CACNA1I: variants seen among roughly 807,000 people sequenced by gnomAD.
CACNA1I encodes the protein voltage-dependent T-type calcium channel subunit alpha-1I.
A neutral mutation model predicts 201.6 loss-of-function variants in CACNA1I; 74 were observed. The observed-to-expected ratio is 0.37, with a 90% CI of 0.30 to 0.45. CACNA1I has a LOEUF of 0.45. Ranked by LOEUF, CACNA1I falls within the 20% of genes least tolerant of loss-of-function variation. The probability of loss-of-function intolerance (pLI) is 1.00; values close to 1 mark genes in which losing one functional copy is unlikely to be tolerated. For missense variants in CACNA1I, 2,346 were observed against 3,138.1 expected, an observed-to-expected ratio of 0.75 and a Z score of 6.03; for synonymous variants, 1,431 against 1,345.2, an observed-to-expected ratio of 1.06 and a Z score of -1.40.
At chr22:39,573,978 C>T (rs553996607) in intron 1 of CACNA1I, among the ~76,000 whole-genome samples, 22 of 152,286 alleles carry the variant, frequency 1.4e-4, no homozygotes, top group Non-Finnish European at 3.1e-4. Flanking sequence ...CCCCGGCATC[C>T]CCATGGCCAG....
At chr22:39,626,427 C>A (rs1387452668) in intron 4 of CACNA1I, among the ~76,000 whole-genome samples, 1 of 152,088 alleles carries the variant, frequency 6.6e-6, no homozygotes. Flanking sequence ...AGACACTCAT[C>A]AGCTGAGGGT....
chr22:39,645,207 G>C (rs542621839), intron 7 of CACNA1I, among the ~76,000 whole-genome samples: 1 of 151,758 alleles, frequency 6.6e-6, no homozygotes, highest in African/African-American at 2.4e-5. Flanking sequence ...GGCTGGTCTC[G>C]AACTCCTGAC....
chr22:39,664,891 C>T lies in CACNA1I; in HGVS notation c.3819C>T (p.Val1273=). Residue 1273 remains valine, a synonymous_variant, in exon 21 of 37, where the codon GTC becomes GTT. Coordinates refer to ENST00000402142, the MANE Select transcript of CACNA1I (RefSeq NM_021096.4). ...CCAAGATCTTGGGGGTCCTCCGAGT[C>T]TTGCGGCTCCTGCGCACCCTACGCC... is the stretch of plus-strand genomic sequence containing the variant. ...GGAKILGVLR[V]LRLLRTLRPL... is the part of the protein sequence containing the mutation. 6.2e-7 allele frequency: 1 copy of T among 1,612,804 alleles called. No homozygotes were observed. Among genetic ancestry groups the T allele is most frequent in the Non-Finnish European group, 8.5e-7 (1 of 1,179,852 alleles).
chr22:39,613,918 A>G (rs1341953396), intron 3 of CACNA1I, among the ~76,000 whole-genome samples: 2 of 151,562 alleles, frequency 1.3e-5, no homozygotes, highest in Non-Finnish European at 2.9e-5. Context: ...GCTCACTGCA[A>G]CCTCCGCCTC....
Position 39,662,005 on chromosome 22 carries a change from G to A in CACNA1I, c.2942G>A (p.Ser981Asn). 1 of 1,563,294 alleles carries A rather than the reference G, an allele frequency of 6.4e-7. No individual in the cohort carries two copies. The highest frequency in any genetic ancestry group is 1.9e-5 in the Admixed American group (1 of 53,042). ...RSSYYGPWGRSAAWASRRSSW... is the reference protein window; with the variant it reads ...RSSYYGPWGRNAAWASRRSSW... ...TCCTACTACGGGCCATGGGGCCGCA[G>A]CGCGGCCTGGGCCAGCCGTCGCTCC... Residue 981 changes from serine to asparagine, a missense_variant, in exon 17 of 37, where the codon AGC becomes AAC. Physicochemically the swap from Ser to Asn is conservative, Grantham distance 46 (BLOSUM62 1). Around this residue, in one of 13 missense-constraint regions of CACNA1I, gnomAD observed 288 missense variants for 255.2 expected, o/e 1.13. Coordinates refer to ENST00000402142, the MANE Select transcript of CACNA1I (RefSeq NM_021096.4).
At position 39,661,756 on chromosome 22, in the gene CACNA1I, C is replaced by T. The variant is rs911012827; in HGVS notation, c.2902-209C>T. Among the ~76,000 whole-genome samples, 7 of 152,360 alleles carry T rather than the reference C, an allele frequency of 4.6e-5. No homozygotes were observed. In the East Asian group the frequency reaches 1.2e-3, roughly 25 times the overall value. On this transcript the variant is annotated intron_variant, in intron 16 of 36. Coordinates refer to ENST00000402142, the MANE Select transcript of CACNA1I (RefSeq NM_021096.4). ...GAGGTGGCAGGAGGGGATGTAACCT[C>T]CGGGTGGATGTGCCCCCATGTCCCT...
intron 4 of CACNA1I, 55 bp from the exon 5 acceptor site, chr22:39,634,510 G>C: frequency 1.3e-6 from 2 of 1,578,918 alleles, no homozygotes; most frequent in Non-Finnish European, 1.7e-6. Flanking sequence ...TCACTCTTTC[G>C]TCTCTGGGAC....
At position 39,662,293 on chromosome 22, in the gene CACNA1I, A is replaced by T. The variant is rs1195981245; in HGVS notation, c.3230A>T (p.His1077Leu). Reference sequence around the variant, plus strand: ...GAGCTGGTGCCCGCGGTGGGCGCCCACCCCCGGGCCGCCTGGAGGGCGGCA... The same window carrying T: ...GAGCTGGTGCCCGCGGTGGGCGCCCTCCCCCGGGCCGCCTGGAGGGCGGCA... The part of the protein sequence containing the change: ...LAELVPAVGA[H>L]PRAAWRAAGP... The change falls in exon 17 of 37, where the codon CAC (histidine) becomes CTC (leucine). Residue 1077 changes from histidine (H) to leucine (L), a missense_variant. His to Leu is a moderately conservative substitution (Grantham distance 99). This residue lies in a region of CACNA1I where 288 missense variants were observed against 255.2 expected (regional missense o/e 1.13). Transcript: ENST00000402142. 3.3e-6 allele frequency: 5 copies of T among 1,502,104 alleles called. No individual in the cohort carries two copies. Among genetic ancestry groups the T allele is most frequent in the Non-Finnish European group, 4.4e-6 (5 of 1,132,512 alleles). 93.0% of individuals were successfully genotyped at this position (1,502,104 alleles called of 1,614,324 possible).
rs762374499 is a variant in CACNA1I at position 39,664,900 on chromosome 22, C to T, written c.3828C>T (p.Leu1276=). 7 of 1,612,538 alleles carry T rather than the reference C, an allele frequency of 4.3e-6. No individual in the cohort carries two copies. Among genetic ancestry groups the T allele is most frequent in the Non-Finnish European group, 5.9e-6 (7 of 1,179,834 alleles). Residue 1276 remains leucine, a synonymous_variant, in exon 21 of 37, where the codon CTC becomes CTT. Transcript: ENST00000402142. Reference sequence around the variant, plus strand: ...TGGGGGTCCTCCGAGTCTTGCGGCTCCTGCGCACCCTACGCCCCCTGCGGT... The same window carrying T: ...TGGGGGTCCTCCGAGTCTTGCGGCTTCTGCGCACCCTACGCCCCCTGCGGT... ...KILGVLRVLR[L]LRTLRPLRVI... is the part of the protein sequence containing the mutation.
rs1237839283 is a variant in CACNA1I, at chr22:39,662,074, A to G, written c.3011A>G (p.Glu1004Gly). 2 of 1,548,618 alleles carry G rather than the reference A, an allele frequency of 1.3e-6. No individual in the cohort carries two copies. Among genetic ancestry groups the G allele is most frequent in the Non-Finnish European group, 1.7e-6 (2 of 1,151,208 alleles). ...LKHKPPSAEHESLLSAERGGG... is the reference protein window; with the variant it reads ...LKHKPPSAEHGSLLSAERGGG... ...CACAAGCCGCCGTCGGCGGAGCATG[A>G]GTCCCTGCTCTCTGCGGAGCGCGGC... Residue 1004 changes from glutamate to glycine, a missense_variant, in exon 17 of 37, where the codon GAG (glutamate) becomes GGG (glycine). By Grantham distance (98) the Glu-to-Gly change is moderately conservative (BLOSUM62 -2). This residue lies in a region of CACNA1I where 288 missense variants were observed against 255.2 expected (regional missense o/e 1.13). Transcript: ENST00000402142.
At chr22:39,651,674 G>A (rs1032387083) in intron 10 of CACNA1I, among the ~76,000 whole-genome samples, 7 of 152,214 alleles carry the variant, frequency 4.6e-5, no homozygotes, top group Non-Finnish European at 1.0e-4. Context: ...TGCTACCCTC[G>A]AGCCCCGGCA....
chr22:39,589,984 C>G (rs564807363), intron 1 of CACNA1I, among the ~76,000 whole-genome samples: 1 of 152,310 alleles, frequency 6.6e-6, no homozygotes, highest in Non-Finnish European at 1.5e-5. Context: ...ACCAGCCTCC[C>G]AGAGCCCCCC....
intron 4 of CACNA1I, among the ~76,000 whole-genome samples, chr22:39,624,397 AGAGGAGCTCC>A (rs962729024): frequency 6.6e-5 from 10 of 152,166 alleles, no homozygotes; most frequent in Non-Finnish European, 1.3e-4. Context: ...CTCCAATTAC[AGAGGAGCTCC>A]GAGCGGGCTC....
chr22:39,663,716 A>T lies in CACNA1I; in HGVS notation c.3474-2A>T. Reference sequence around the variant, plus strand: ...CAGGCAGCCCCCGCCCACCCTGCCCAGGTTCCGGGTCCTGTGTCAGACCAT... The same window carrying T: ...CAGGCAGCCCCCGCCCACCCTGCCCTGGTTCCGGGTCCTGTGTCAGACCAT... On this transcript the variant is annotated splice_acceptor_variant, in intron 18 of 36. Transcript: ENST00000402142. LOFTEE classifies it high-confidence loss of function. The T allele has an allele frequency of 1.6e-6, 1 of 626,248 alleles. No homozygotes were observed. Among genetic ancestry groups the T allele is most frequent in the Non-Finnish European group, 2.9e-6 (1 of 349,004 alleles). The allele number at this position is 626,248 out of a possible 1,614,324, so 38.8% of individuals were successfully genotyped here. A position where few individuals can be genotyped will look rare whatever the true frequency, so the allele number is the denominator to read the frequency against.
intron 2 of CACNA1I, among the ~76,000 whole-genome samples, chr22:39,599,618 C>A (rs1932979652): frequency 7.8e-5 from 5 of 64,334 alleles, no homozygotes; most frequent in East Asian, 4.6e-4. Flanking sequence ...GACTCCGTCT[C>A]AAAAAAAAAA....
rs371035919 is a variant in CACNA1I at position 39,596,520 on chromosome 22, G to C, written c.237-1631G>C. ...GATGGGGGGCAGGGTGGAGAGAGAT[G>C]GGGGGGCAGGGCAGAGGGAGATGGG... On this transcript the variant is annotated intron_variant, in intron 1 of 36. Coordinates refer to ENST00000402142, the MANE Select transcript of CACNA1I (RefSeq NM_021096.4). 5.4e-5 allele frequency among the ~76,000 whole-genome samples: 7 copies of C among 130,042 alleles called. 1 individual carries two copies. The highest frequency in any genetic ancestry group is 9.9e-5 in the Non-Finnish European group (6 of 60,402). 85.3% of individuals were successfully genotyped at this position (130,042 alleles called of 152,430 possible). A position where few individuals can be genotyped will look rare whatever the true frequency, so the allele number is the denominator to read the frequency against.
intron 31 of CACNA1I, 148 bp downstream of exon 31, chr22:39,678,256 A>G (rs549670619): frequency 2.2e-6 from 2 of 903,222 alleles, no homozygotes; most frequent in East Asian, 2.8e-5. Context: ...GGGCCTGCCC[A>G]GGACCAGCAC....
At chr22:39,681,359 G>A (rs1935700043) in intron 34 of CACNA1I, among the ~76,000 whole-genome samples, 1 of 152,246 alleles carries the variant, frequency 6.6e-6, no homozygotes, top group African/African-American at 2.4e-5. Flanking sequence ...CGGCGGGGCT[G>A]TGAGGCTGAA....
At chr22:39,594,456 G>C (rs1242428019) in intron 1 of CACNA1I, among the ~76,000 whole-genome samples, 2 of 152,282 alleles carry the variant, frequency 1.3e-5, no homozygotes, top group East Asian at 3.9e-4. Flanking sequence ...GCTGCTGCTG[G>C]AGCCAGGCTC....
Sources: allele counts gnomAD v4.1 joint callset (sites outside exome capture counted in the v4.1 genomes callset), GRCh38; gene constraint gnomAD v4.1.1; regional missense constraint gnomAD v4.1.1; transcripts MANE v1.5; gene names NCBI Gene and HGNC (gene_info 2026-07-23, HGNC 2026-07-21).